The following PPP1R26 variants were observed in gnomAD, a reference collection of about 807,000 sequenced individuals.
PPP1R26 encodes protein phosphatase 1 regulatory subunit 26.
A neutral mutation model predicts 67.6 loss-of-function variants in PPP1R26; 22 were observed. The ratio of observed to expected loss-of-function variants is 0.33; its 90% confidence interval spans 0.23 to 0.46. PPP1R26 has a LOEUF of 0.46. PPP1R26 is among the 20% of genes least tolerant of loss of function. The pLI, the probability that PPP1R26 is intolerant of heterozygous loss-of-function variation, is 1.00. For missense variants in PPP1R26, 1,602 were observed against 1,651.4 expected (o/e 0.97, Z 0.52); for synonymous variants, 729 against 717.2 (o/e 1.02, Z -0.26).
chr9:135,487,966 G>C lies in PPP1R26; in HGVS notation c.3456G>C (p.Gly1152=). ...GPWPTRKAQA[G]LSLHDRRSSG... is the part of the protein sequence containing the mutation. ...GGCCAACCAGGAAGGCACAGGCAGGGCTGAGTTTGCATGACAGGAGGAGCT... is the reference window on the plus strand; with the variant it reads ...GGCCAACCAGGAAGGCACAGGCAGGCCTGAGTTTGCATGACAGGAGGAGCT... The change falls in exon 4 of 4, where the codon GGG becomes GGC. Residue 1152 remains glycine (G), a synonymous_variant. Coordinates refer to ENST00000356818, the MANE Select transcript of PPP1R26 (RefSeq NM_014811.5). 1 of 1,605,152 alleles carries C rather than the reference G, an allele frequency of 6.2e-7. No homozygotes were observed. Among genetic ancestry groups the C allele is most frequent in the Non-Finnish European group, 8.5e-7 (1 of 1,176,778 alleles).
rs751460578 is a variant in PPP1R26, at chr9:135,487,299, C to G, written c.2789C>G (p.Ala930Gly). 2 of 1,556,368 alleles carry G rather than the reference C, an allele frequency of 1.3e-6. No individual in the cohort carries two copies. Among genetic ancestry groups the G allele is most frequent in the East Asian group, 2.3e-5 (1 of 44,424 alleles). ...CAGGGCGGGAAGGGGCTCCCTGCTG[C>G]TCCTGCCCGAGGGGATCCGGTGCCG... ...FSQGGKGLPAAPARGDPVPPR... is the reference protein window; with the variant it reads ...FSQGGKGLPAGPARGDPVPPR... Residue 930 changes from alanine (A) to glycine (G), a missense_variant, in exon 4 of 4, where the codon GCT becomes GGT. Transcript: ENST00000356818.
chr9:135,484,251 C>T lies in PPP1R26; in HGVS notation c.-63+169C>T, dbSNP rs116455581. The T allele has an allele frequency of 2.2e-3, 1,107 of 510,244 alleles. 14 individuals are homozygous for T. The highest frequency in any genetic ancestry group is 0.019 in the African/African-American group (1,000 of 51,450). 31.6% of individuals were successfully genotyped at this position (510,244 alleles called of 1,614,324 possible). On this transcript the variant is annotated intron_variant, in intron 3 of 3. Coordinates refer to ENST00000356818, the MANE Select transcript of PPP1R26 (RefSeq NM_014811.5). ...CCCGGGCTGGAGCAGGTAAATTGTT[C>T]CTTTCCCAGCTGAGGAATCCGAGGC...
At chr9:135,479,272 G>A (rs1246803864), upstream of PPP1R26, among the ~76,000 whole-genome samples, 3 of 151,922 alleles carry the variant, frequency 2.0e-5, no homozygotes, top group Non-Finnish European at 2.9e-5. The surrounding 1 kb of genome is among the most constrained non-coding windows in gnomAD (Gnocchi z 5.9). Flanking sequence ...CCGGCCCAAG[G>A]CTGTGGGGCT....
Position 135,485,685 on chromosome 9 carries a change from T to C in PPP1R26, c.1175T>C (p.Val392Ala), listed in dbSNP as rs1443698895. The change falls in exon 4 of 4, where the codon GTC becomes GCC. Residue 392 changes from valine (V) to alanine (A), a missense_variant. Val to Ala is a moderately conservative substitution (Grantham distance 64, BLOSUM62 0). This residue lies in a region of PPP1R26 where 680 missense variants were observed against 726.1 expected (regional missense o/e 0.94). Transcript: ENST00000356818. This position sits in a 1 kb window ranked among gnomAD's most constrained non-coding sequence, Gnocchi z 7.2. ...KEADGDLPQRVQLREERAPDP... is the reference protein window; with the variant it reads ...KEADGDLPQRAQLREERAPDP... ...GCCGACGGGGACCTGCCCCAGAGGGTCCAACTCCGAGAGGAGAGAGCGCCT... is the reference window on the plus strand; with the variant it reads ...GCCGACGGGGACCTGCCCCAGAGGGCCCAACTCCGAGAGGAGAGAGCGCCT... The C allele has an allele frequency of 6.2e-7, 1 of 1,610,556 alleles. No individual in the cohort carries two copies. Among genetic ancestry groups the C allele is most frequent in the East Asian group, 2.2e-5 (1 of 44,842 alleles).
At position 135,485,524 on chromosome 9, in the gene PPP1R26, A is replaced by C. The variant is rs778234452; in HGVS notation, c.1014A>C (p.Lys338Asn). The C allele has an allele frequency of 1.2e-6, 2 of 1,613,090 alleles. No individual in the cohort carries two copies. The highest frequency in any genetic ancestry group is 8.5e-7 in the Non-Finnish European group (1 of 1,180,020). The change falls in exon 4 of 4, where the codon AAA becomes AAC. Residue 338 changes from lysine to asparagine, a missense_variant. Lys to Asn is a moderately conservative substitution (Grantham distance 94). Around this residue, in one of 5 missense-constraint regions of PPP1R26, gnomAD observed 680 missense variants for 726.1 expected, o/e 0.94. Coordinates refer to ENST00000356818, the MANE Select transcript of PPP1R26 (RefSeq NM_014811.5). This position sits in a 1 kb window ranked among gnomAD's most constrained non-coding sequence, Gnocchi z 7.2. ...SEAAQNKGGI[K>N]RSASAARRGK... ...CAGCACAGAATAAAGGTGGGATCAAAAGGAGCGCCAGCGCTGCAAGGAGGG... is the reference window on the plus strand; with the variant it reads ...CAGCACAGAATAAAGGTGGGATCAACAGGAGCGCCAGCGCTGCAAGGAGGG...
At chr9:135,483,393 A>G (rs1053585435) in intron 2 of PPP1R26, 1 of 152,286 alleles carries the variant, frequency 6.6e-6, no homozygotes, top group African/African-American at 2.4e-5. Context: ...CCTGGTAAAG[A>G]AGAATCCATA....
In PPP1R26 at chr9:135,485,727, G is replaced by T. The variant is rs1240786355; in HGVS notation, c.1217G>T (p.Ser406Ile). ...AGAGCGCCTGACCCTCCCGCACACA[G>T]CACAAGCAGTGCCACAAAAAGTGCC... ...EERAPDPPAH[S>I]TSSATKSALP... The change falls in exon 4 of 4, where the codon AGC becomes ATC. Residue 406 changes from serine (S) to isoleucine (I), a missense_variant. Around this residue, in one of 5 missense-constraint regions of PPP1R26, gnomAD observed 680 missense variants for 726.1 expected, o/e 0.94. Transcript: ENST00000356818. The surrounding 1 kb of genome is among the most constrained non-coding windows in gnomAD (Gnocchi z 7.2). 4 of 1,610,328 alleles carry T rather than the reference G, an allele frequency of 2.5e-6. No homozygotes were observed. Among genetic ancestry groups the T allele is most frequent in the Non-Finnish European group, 2.5e-6 (3 of 1,180,018 alleles).
At chr9:135,481,288 C>A (rs1830512448) in intron 1 of PPP1R26, among the ~76,000 whole-genome samples, 1 of 143,982 alleles carries the variant, frequency 6.9e-6, no homozygotes, top group East Asian at 2.0e-4. Flanking sequence ...GTCGCCCAGG[C>A]TGGAGTGCAA....
Position 135,484,606 on chromosome 9 carries a change from G to C in PPP1R26, c.96G>C (p.Ser32=), listed in dbSNP as rs373599937. Reference sequence around the variant, plus strand: ...GCTGTAGGTTCCCCAGGTGCTTCTCGGAGGCTGACGAGGGCGTGGAGAGCG... The same window carrying C: ...GCTGTAGGTTCCCCAGGTGCTTCTCCGAGGCTGACGAGGGCGTGGAGAGCG... ...PGSCRFPRCF[S]EADEGVESAS... is the part of the protein sequence containing the mutation. The change falls in exon 4 of 4, where the codon TCG becomes TCC. Residue 32 remains serine, a synonymous_variant. Coordinates refer to ENST00000356818, the MANE Select transcript of PPP1R26 (RefSeq NM_014811.5). 1.2e-6 allele frequency: 2 copies of C among 1,612,492 alleles called. No homozygotes were observed. The highest frequency in any genetic ancestry group is 1.1e-5 in the South Asian group (1 of 91,078).
chr9:135,484,765 C>T lies in PPP1R26; in HGVS notation c.255C>T (p.Ala85=). 2 of 1,610,992 alleles carry T rather than the reference C, an allele frequency of 1.2e-6. No homozygotes were observed. The highest frequency in any genetic ancestry group is 1.7e-6 in the Non-Finnish European group (2 of 1,179,352). ...GATGCCACGACGCCAGGCCGGCTGC[C>T]AAGCCCACCGTGCACAAGGAGCCAC... ...AEGCHDARPA[A]KPTVHKEPPA... Residue 85 remains alanine, a synonymous_variant, in exon 4 of 4, where the codon GCC becomes GCT. Transcript: ENST00000356818.
chr9:135,486,433 C>A lies in PPP1R26; in HGVS notation c.1923C>A (p.Gly641=). 6.2e-7 allele frequency: 1 copy of A among 1,613,150 alleles called. No homozygotes were observed. Among genetic ancestry groups the A allele is most frequent in the South Asian group, 1.1e-5 (1 of 91,088 alleles). ...AGAGGCGAGACCTGCCCATCCAGGG[C>A]AAAGCCAGTGAGGCCCTGGGAGGGG... is the stretch of plus-strand genomic sequence containing the variant. ...GHERRDLPIQ[G]KASEALGGEG... is the part of the protein sequence containing the mutation. The change falls in exon 4 of 4, where the codon GGC becomes GGA. Residue 641 remains glycine, a synonymous_variant. Transcript: ENST00000356818. This position sits in a 1 kb window ranked among gnomAD's most constrained non-coding sequence, Gnocchi z 6.2.
chr9:135,487,289 C>G lies in PPP1R26; in HGVS notation c.2779C>G (p.Leu927Val), dbSNP rs542136344. Reference protein sequence around the residue: ...AGLFSQGGKGLPAAPARGDPV... With the variant: ...AGLFSQGGKGVPAAPARGDPV... The stretch of plus-strand genomic sequence containing the variant: ...TCTGTTCAGCCAGGGCGGGAAGGGG[C>G]TCCCTGCTGCTCCTGCCCGAGGGGA... The change falls in exon 4 of 4, where the codon CTC (leucine) becomes GTC (valine). Residue 927 changes from leucine to valine, a missense_variant. Leu to Val is a conservative substitution (Grantham distance 32, BLOSUM62 1). Coordinates refer to ENST00000356818, the MANE Select transcript of PPP1R26 (RefSeq NM_014811.5). The G allele has an allele frequency of 1.2e-5, 18 of 1,554,274 alleles. 1 individual carries two copies. In the South Asian group the frequency reaches 2.1e-4, roughly 18 times the overall value.
rs1186598903 is a variant in PPP1R26 at position 135,486,694 on chromosome 9, G to T, written c.2184G>T (p.Gln728His). ...AGAAGGTCAGGTTCAGCACAGCCCA[G>T]ACGCACTTCTTGGAGCAGCTGGGCG... is the stretch of plus-strand genomic sequence containing the variant. ...CRKKVRFSTA[Q>H]THFLEQLGGL... Residue 728 changes from glutamine (Q) to histidine (H), a missense_variant, in exon 4 of 4, where the codon CAG (glutamine) becomes CAT (histidine). Coordinates refer to ENST00000356818, the MANE Select transcript of PPP1R26 (RefSeq NM_014811.5). This position sits in a 1 kb window ranked among gnomAD's most constrained non-coding sequence, Gnocchi z 6.2. 3 of 1,598,642 alleles carry T rather than the reference G, an allele frequency of 1.9e-6. No individual in the cohort carries two copies. The highest frequency in any genetic ancestry group is 1.1e-5 in the South Asian group (1 of 89,348).
rs2078266 is a variant in PPP1R26, at chr9:135,487,010, A to G, written c.2500A>G (p.Asn834Asp). The change falls in exon 4 of 4, where the codon AAC (asparagine) becomes GAC (aspartate). Residue 834 changes from asparagine (N) to aspartate (D), a missense_variant. By Grantham distance (23) the Asn-to-Asp change is conservative (BLOSUM62 1). Coordinates refer to ENST00000356818, the MANE Select transcript of PPP1R26 (RefSeq NM_014811.5). The stretch of plus-strand genomic sequence containing the variant: ...TGATGACAGCAGTTCAGTGGACAGC[A>G]ACGACAGCATCGAACTGGAGATTAG... ...LSDDSSSVDS[N>D]DSIELEIRKF... 0.84 allele frequency: 1,354,572 copies of G among 1,612,112 alleles called. 570,672 individuals are homozygous for G. The highest frequency in any genetic ancestry group is 0.97 in the African/African-American group (72,957 of 75,028).
Position 135,484,500 on chromosome 9 carries a change from C to T in PPP1R26, c.-11C>T, listed in dbSNP as rs1437281940. On this transcript the variant is annotated 5_prime_UTR_variant, in exon 4 of 4. Coordinates refer to ENST00000356818, the MANE Select transcript of PPP1R26 (RefSeq NM_014811.5). ...CATCGCCCCTCTGCGCGCCCCTCCC[C>T]GTCTGCTAGAATGTTTCTCATGAAC... 6 of 1,567,036 alleles carry T rather than the reference C, an allele frequency of 3.8e-6. No individual in the cohort carries two copies. The highest frequency in any genetic ancestry group is 1.4e-5 in the African/African-American group (1 of 72,618).
chr9:135,481,351 G>A (rs578209891), intron 1 of PPP1R26, among the ~76,000 whole-genome samples: 1 of 147,766 alleles, frequency 6.8e-6, no homozygotes, highest in East Asian at 2.0e-4. Flanking sequence ...AGCGATTCTC[G>A]TGCCTCAGCC....
Position 135,487,828 on chromosome 9 carries a change from C to T in PPP1R26, c.3318C>T (p.His1106=). The T allele has an allele frequency of 6.3e-7, 1 of 1,593,518 alleles. No individual in the cohort carries two copies. The highest frequency in any genetic ancestry group is 1.1e-5 in the South Asian group (1 of 88,692). The change falls in exon 4 of 4, where the codon CAC becomes CAT. Residue 1106 remains histidine, a synonymous_variant. Transcript: ENST00000356818. ...GGRQAGLFSP[H]LGLPLQGPSF... is the part of the protein sequence containing the mutation. The stretch of plus-strand genomic sequence containing the variant: ...GGCAGGCTGGCCTCTTCAGCCCCCA[C>T]CTGGGGCTGCCTCTGCAGGGCCCCT...
At position 135,484,713 on chromosome 9, in the gene PPP1R26, C is replaced by A; in HGVS notation, c.203C>A (p.Ala68Asp). 1 of 1,609,700 alleles carries A rather than the reference C, an allele frequency of 6.2e-7. No individual in the cohort carries two copies. The highest frequency in any genetic ancestry group is 8.5e-7 in the Non-Finnish European group (1 of 1,178,994). Reference sequence around the variant, plus strand: ...GCTCGGGGCACCAGCGATGAGCGCGCCGCACAGAGGGGCCACAGGGCAGAG... The same window carrying A: ...GCTCGGGGCACCAGCGATGAGCGCGACGCACAGAGGGGCCACAGGGCAGAG... ...GAARGTSDER[A>D]AQRGHRAEGC... The change falls in exon 4 of 4, where the codon GCC becomes GAC. Residue 68 changes from alanine (A) to aspartate (D), a missense_variant. By Grantham distance (126) the Ala-to-Asp change is moderately radical (BLOSUM62 -2). Around this residue, in one of 5 missense-constraint regions of PPP1R26, gnomAD observed 168 missense variants for 176.1 expected, o/e 0.95. Transcript: ENST00000356818.
rs1156534800 is a variant in PPP1R26, at chr9:135,488,668, C to T, written c.*528C>T. The T allele has an allele frequency of 6.0e-6, 1 of 167,086 alleles. No individual in the cohort carries two copies. The highest frequency in any genetic ancestry group is 1.5e-5 in the Non-Finnish European group (1 of 68,140). 10.4% of individuals were successfully genotyped at this position (167,086 alleles called of 1,614,324 possible). A position where few individuals can be genotyped will look rare whatever the true frequency, so the allele number is the denominator to read the frequency against. On this transcript the variant is annotated 3_prime_UTR_variant, in exon 4 of 4. Transcript: ENST00000356818. ...CGCCTCGGCCCCACGTCCTTAGAGG[C>T]CAGAGCACATCTGAAAACTGCAATC...
Sources: gnomAD v4.1 joint callset for allele counts (sites outside exome capture counted in the v4.1 genomes callset) on GRCh38, gnomAD v4.1.1 for gene constraint, gnomAD v4.1.1 regional missense constraint, Gnocchi (gnomAD v3.1) non-coding constraint, MANE v1.5 for transcripts, NCBI Gene and HGNC (gene_info 2026-07-23, HGNC 2026-07-21) for gene names.